The following CNGB1 variants were observed in gnomAD, a reference collection of about 807,000 sequenced individuals.
The protein encoded by CNGB1 is cyclic nucleotide gated channel subunit beta 1, also known as cyclic nucleotide-gated channel beta-1.
CNGB1 carries 126 observed loss-of-function variants against 151.7 expected under a neutral mutation model. The observed-to-expected ratio is 0.83, with a 90% CI of 0.72 to 0.96. The LOEUF is 0.96. Ranked by LOEUF, CNGB1 falls within the 40% of genes least tolerant of loss-of-function variation. CNGB1 has a pLI of 0.00. For synonymous variants in CNGB1, 623 were observed against 635.1 expected (o/e 0.98, Z 0.29); for missense variants, 1,698 against 1,627.0 (o/e 1.04, Z -0.75).
intron 1 of CNGB1, among the ~76,000 whole-genome samples, chr16:57,969,069 G>A (rs1597019904): frequency 1.3e-5 from 2 of 152,140 alleles, no homozygotes; most frequent in East Asian, 3.8e-4. Flanking sequence ...ACTTTGGGAG[G>A]TGAAGGCAGG....
rs772055206 is a variant in CNGB1, at chr16:57,888,062, T to C, written c.3255A>G (p.Arg1085=). ...LLRKKARRML[R]SNNKPKEEKS... The stretch of plus-strand genomic sequence containing the variant: ...TCTCCTCCTTGGGCTTATTGTTGCT[T>C]CTCAGCATGCGCCTGGAAGAAAGCA... Residue 1085 remains arginine, a synonymous_variant, in exon 32 of 33, where the codon AGA becomes AGG. Transcript: ENST00000251102. The C allele has an allele frequency of 6.8e-6, 11 of 1,613,946 alleles. No individual in the cohort carries two copies. The highest frequency in any genetic ancestry group is 9.3e-6 in the Non-Finnish European group (11 of 1,180,026).
rs7196172 is a variant in CNGB1 at position 57,954,893 on chromosome 16, A to G, written c.874+2448T>C. 3.1e-3 allele frequency: 3,203 copies of G among 1,034,182 alleles called. 85 individuals are homozygous for G. In the African/African-American group the frequency reaches 0.051, roughly 16 times the overall value. The allele number at this position is 1,034,182 out of a possible 1,614,324, so 64.1% of individuals were successfully genotyped here. On this transcript the variant is annotated intron_variant, in intron 12 of 32. Coordinates refer to ENST00000251102, the MANE Select transcript of CNGB1 (RefSeq NM_001297.5). ...ATGCTCAATACTGAGTCCTCCATCCATGGGGCTTTTTAATTTATTAATTTA... is the reference window on the plus strand; with the variant it reads ...ATGCTCAATACTGAGTCCTCCATCCGTGGGGCTTTTTAATTTATTAATTTA...
intron 18 of CNGB1, among the ~76,000 whole-genome samples, chr16:57,921,952 G>T (rs1961048642): frequency 6.6e-6 from 1 of 152,016 alleles, no homozygotes. Context: ...CTAATACATG[G>T]GTCTCCAAGG....
intron 10 of CNGB1, among the ~76,000 whole-genome samples, chr16:57,959,587 G>T (rs1056319219): frequency 1.4e-5 from 2 of 146,174 alleles, no homozygotes; most frequent in Admixed American, 7.1e-5. Flanking sequence ...AGGAGACAGA[G>T]CGAGACTCGG....
intron 26 of CNGB1, 56 bp from the exon 27 acceptor site, chr16:57,904,037 C>G (rs751921707): frequency 2.2e-5 from 34 of 1,554,056 alleles, no homozygotes; most frequent in Non-Finnish European, 3.0e-5. Flanking sequence ...GGGGTGGGCG[C>G]TATTCCATGG....
At chr16:57,919,044 A>G in intron 20 of CNGB1, 55 bp downstream of exon 20, 4 of 1,613,174 alleles carry the variant, frequency 2.5e-6, no homozygotes, top group Non-Finnish European at 3.4e-6. Context: ...ATCCCGCTCC[A>G]ACTCTCCTGC....
intron 17 of CNGB1, among the ~76,000 whole-genome samples, chr16:57,926,320 G>A (rs1449236374): frequency 6.6e-6 from 1 of 152,156 alleles, no homozygotes; most frequent in Non-Finnish European, 1.5e-5. Context: ...ACTGGGGCAG[G>A]GGTCACTGAG....
chr16:57,897,178 T>G (rs1257684685), intron 31 of CNGB1, among the ~76,000 whole-genome samples: 1 of 151,680 alleles, frequency 6.6e-6, no homozygotes, highest in Non-Finnish European at 1.5e-5. Context: ...GGTACGTGCC[T>G]ATAGTCCCAG....
At chr16:57,912,677 G>C (rs181515245) in intron 24 of CNGB1, among the ~76,000 whole-genome samples, 5,251 of 150,492 alleles carry the variant, frequency 0.035, 135 homozygotes, top group Non-Finnish European at 0.052. Context: ...TGTGTGTGTT[G>C]TTTTGTGTTA....
chr16:57,920,450 C>G lies in CNGB1; in HGVS notation c.1738G>C (p.Glu580Gln), dbSNP rs369515579. ...TCAATGAGTTTCTCCTTCACTTTCT[C>G]TGTCCGCTCCTTGAAGAGCTTCACC... Reference protein sequence around the residue: ...ELVKLFKERTEKVKEKLIDPD... With the variant: ...ELVKLFKERTQKVKEKLIDPD... The change falls in exon 19 of 33, where the codon GAG becomes CAG. Residue 580 changes from glutamate (E) to glutamine (Q), a missense_variant. Glu to Gln is a conservative substitution (Grantham distance 29, BLOSUM62 2). Coordinates refer to ENST00000251102, the MANE Select transcript of CNGB1 (RefSeq NM_001297.5). 6.2e-7 allele frequency: 1 copy of G among 1,614,220 alleles called. No individual in the cohort carries two copies. The highest frequency in any genetic ancestry group is 8.5e-7 in the Non-Finnish European group (1 of 1,180,040).
chr16:57,927,747 C>T (rs1961229098), intron 17 of CNGB1, among the ~76,000 whole-genome samples: 1 of 152,214 alleles, frequency 6.6e-6, no homozygotes, highest in Non-Finnish European at 1.5e-5. Flanking sequence ...AATATGCCAC[C>T]CCCTACCCAG....
chr16:57,895,072 C>A (rs1960186401), intron 31 of CNGB1, among the ~76,000 whole-genome samples: 3 of 152,152 alleles, frequency 2.0e-5, no homozygotes. Flanking sequence ...GCTGGAAATT[C>A]TGAAATGAAC....
intron 29 of CNGB1, among the ~76,000 whole-genome samples, chr16:57,899,909 C>T (rs1165624637): frequency 6.6e-6 from 1 of 152,200 alleles, no homozygotes; most frequent in Non-Finnish European, 1.5e-5. Flanking sequence ...GCAGAGGGCG[C>T]CCTTCACACG....
At chr16:57,961,631 GGAATGAATGAATGAAT>G (rs10533777) in intron 7 of CNGB1, among the ~76,000 whole-genome samples, 3 of 150,786 alleles carry the variant, frequency 2.0e-5, no homozygotes, top group Admixed American at 6.6e-5. Context: ...GCTGCAGCAA[GGAATGAATGAATGAAT>G]GAATGAATGA....
rs78149232 is a variant in CNGB1 at position 57,967,148 on chromosome 16, C to T, written c.139G>A (p.Glu47Lys). The T allele has an allele frequency of 1.7e-4, 272 of 1,614,200 alleles. 1 individual carries two copies. The East Asian group carries it at 4.1e-3, about 24-fold the overall frequency. The change falls in exon 2 of 33, where the codon GAG (glutamate) becomes AAG (lysine). Residue 47 changes from glutamate (E) to lysine (K), a missense_variant. Transcript: ENST00000251102. ...CTCACCATGGACTCGGACTCTGTCT[C>T]GGCCTCCTCAGGATTCGGTTCTGGT... ...VEPEPNPEEA[E>K]TESESMPPEE...
At chr16:57,920,323 C>A in intron 19 of CNGB1, 64 bp downstream of exon 19, 1 of 1,589,514 alleles carries the variant, frequency 6.3e-7, no homozygotes, top group South Asian at 1.1e-5. Flanking sequence ...CATGAGTTGA[C>A]AGGGAACTTT....
chr16:57,936,506 T>C lies in CNGB1; in HGVS notation c.1372+2924A>G, dbSNP rs542063581. On this transcript the variant is annotated intron_variant, in intron 16 of 32. Transcript: ENST00000251102. The stretch of plus-strand genomic sequence containing the variant: ...TATATGTTTAACCCAAAGAAATGAA[T>C]TGCTGGCCAGGCACAGTGGCTTATG... Among the ~76,000 whole-genome samples the C allele has an allele frequency of 8.1e-4, 124 of 152,290 alleles. 1 individual carries two copies. The highest frequency in any genetic ancestry group is 3.0e-3 in the African/African-American group (123 of 41,572).
chr16:57,911,354 T>C (rs1378522674), intron 25 of CNGB1, among the ~76,000 whole-genome samples: 1 of 152,216 alleles, frequency 6.6e-6, no homozygotes, highest in Admixed American at 6.5e-5. Flanking sequence ...AATGGCACGA[T>C]CTCGGCTCAT....
intron 22 of CNGB1, among the ~76,000 whole-genome samples, chr16:57,915,846 C>T (rs1273598840): frequency 1.4e-5 from 2 of 145,838 alleles, no homozygotes; most frequent in Non-Finnish European, 3.0e-5. Flanking sequence ...TGCAGTGAGC[C>T]GAGATCACAC....
Sources: gnomAD v4.1 joint callset for allele counts (sites outside exome capture counted in the v4.1 genomes callset) on GRCh38, gnomAD v4.1.1 for gene constraint, MANE v1.5 for transcripts, NCBI Gene and HGNC (gene_info 2026-07-23, HGNC 2026-07-21) for gene names.